The following MECOM variants were observed in gnomAD, a reference collection of about 807,000 sequenced individuals.
MECOM encodes the protein MDS1 and EVI1 complex locus, also known as histone-lysine N-methyltransferase MECOM.
In MECOM, 13 loss-of-function variants were observed where a neutral mutation model predicts 116.3. The observed-to-expected ratio is 0.11, with a 90% CI of 0.07 to 0.18. The LOEUF is 0.18. Ranked by LOEUF, MECOM falls within the 10% of genes least tolerant of loss-of-function variation. MECOM has a pLI of 1.00. For synonymous variants in MECOM, 528 were observed against 535.2 expected (o/e 0.99, Z 0.19); for missense variants, 1,299 against 1,509.0 (o/e 0.86, Z 2.31).
chr3:169,285,241 G>A (rs1024950779), intron 2 of MECOM, among the ~76,000 whole-genome samples: 3 of 152,162 alleles, frequency 2.0e-5, no homozygotes, highest in African/African-American at 7.2e-5. Context: ...GACACAGGCT[G>A]GACAATAACA....
intron 1 of MECOM, among the ~76,000 whole-genome samples, chr3:169,619,206 G>A (rs1241149858): frequency 2.6e-5 from 4 of 152,184 alleles, no homozygotes; most frequent in Middle Eastern, 3.2e-3. Flanking sequence ...CCCTCACTCC[G>A]GGTGCACCGG....
intron 2 of MECOM, among the ~76,000 whole-genome samples, chr3:169,226,207 A>G (rs1338772426): frequency 1.3e-5 from 2 of 152,162 alleles, no homozygotes; most frequent in Admixed American, 1.3e-4. Context: ...AATAAATATT[A>G]TGGGTAACCC....
chr3:169,480,015 T>C (rs570208641), intron 1 of MECOM, among the ~76,000 whole-genome samples: 1 of 152,356 alleles, frequency 6.6e-6, no homozygotes, highest in South Asian at 2.1e-4. Context: ...AGATTCGATG[T>C]ACTTTCCACA....
chr3:169,265,690 C>T (rs942847659), intron 2 of MECOM, among the ~76,000 whole-genome samples: 21 of 152,298 alleles, frequency 1.4e-4, no homozygotes, highest in Admixed American at 9.1e-4. Flanking sequence ...AAGTTAATAA[C>T]GCATACTAAG....
chr3:169,263,121 A>T (rs368419288), intron 2 of MECOM, among the ~76,000 whole-genome samples: 2 of 24,034 alleles, frequency 8.3e-5, no homozygotes, highest in African/African-American at 3.5e-4. Context: ...ATATATATAT[A>T]TATATATGTT....
chr3:169,119,176 C>G (rs1438505572), intron 7 of MECOM, among the ~76,000 whole-genome samples: 1 of 152,178 alleles, frequency 6.6e-6, no homozygotes, highest in Non-Finnish European at 1.5e-5. Context: ...TAATAAGAGA[C>G]AGTTGCCATA....
chr3:169,276,628 T>C (rs998795319), intron 2 of MECOM, among the ~76,000 whole-genome samples: 6 of 151,354 alleles, frequency 4.0e-5, no homozygotes, highest in African/African-American at 1.2e-4. Context: ...ACTCAATCTA[T>C]GTCTGCTCCC....
chr3:169,121,291 A>AT, intron 6 of MECOM, 82 bp from the exon 7 acceptor site: 2 of 1,373,174 alleles, frequency 1.5e-6, no homozygotes, highest in Non-Finnish European at 1.9e-6. Context: ...TCAAGAAGAA[A>AT]TTTTTCTTAT....
At chr3:169,230,534 A>G (rs1024831532) in intron 2 of MECOM, among the ~76,000 whole-genome samples, 5 of 152,170 alleles carry the variant, frequency 3.3e-5, no homozygotes, top group Non-Finnish European at 7.4e-5. Context: ...AAAGATGCAT[A>G]ACAAGTATCT....
chr3:169,254,416 C>T (rs1325086891), intron 2 of MECOM, among the ~76,000 whole-genome samples: 1 of 152,158 alleles, frequency 6.6e-6, no homozygotes, highest in East Asian at 1.9e-4. Flanking sequence ...AGCAGACACT[C>T]ATTCATTCAT....
intron 1 of MECOM, among the ~76,000 whole-genome samples, chr3:169,609,078 ATC>A (rs537701469): frequency 1.2e-3 from 188 of 152,312 alleles, no homozygotes; most frequent in Non-Finnish European, 2.1e-3. Context: ...CGACACAGGA[ATC>A]TCTGCAGACA....
chr3:169,101,022 C>A, intron 11 of MECOM, 60 bp from the exon 12 acceptor site: 2 of 1,203,124 alleles, frequency 1.7e-6, no homozygotes, highest in South Asian at 1.3e-5. Flanking sequence ...TTCACTCATG[C>A]CACACAGCAG....
At chr3:169,494,487 A>G (rs559833137) in intron 1 of MECOM, among the ~76,000 whole-genome samples, 17 of 152,320 alleles carry the variant, frequency 1.1e-4, no homozygotes, top group African/African-American at 3.8e-4. Context: ...AAGCAAGGAA[A>G]AGTTAAAAAG....
intron 1 of MECOM, among the ~76,000 whole-genome samples, chr3:169,485,944 T>TATATACTATATATATATATA (rs1491555135): frequency 2.0e-5 from 2 of 101,310 alleles, no homozygotes; most frequent in African/African-American, 8.4e-5. Context: ...TATATATGTA[T>TATATACTATATATATATATA]GTATATATGT....
chr3:169,174,605 T>C (rs995432523), intron 2 of MECOM, among the ~76,000 whole-genome samples: 4 of 152,186 alleles, frequency 2.6e-5, no homozygotes, highest in African/African-American at 7.2e-5. Context: ...ATTTTATCCA[T>C]ATCAGGTTAA....
At chr3:169,447,481 G>A (rs910157146) in intron 1 of MECOM, among the ~76,000 whole-genome samples, 1 of 152,100 alleles carries the variant, frequency 6.6e-6, no homozygotes, top group Non-Finnish European at 1.5e-5. Flanking sequence ...GATGTCCAAA[G>A]AAAGGCAGAA....
At chr3:169,276,096 C>T (rs1368587131) in intron 2 of MECOM, among the ~76,000 whole-genome samples, 1 of 152,180 alleles carries the variant, frequency 6.6e-6, no homozygotes, top group Non-Finnish European at 1.5e-5. Context: ...CTGCATTTGT[C>T]TGCCATAGCC....
chr3:169,413,296 G>A (rs781453071), intron 1 of MECOM, among the ~76,000 whole-genome samples: 3 of 152,140 alleles, frequency 2.0e-5, no homozygotes, highest in Admixed American at 6.5e-5. Flanking sequence ...ATGAGGGACC[G>A]TGCCATGAGG....
chr3:169,263,260 C>A (rs982389320), intron 2 of MECOM, among the ~76,000 whole-genome samples: 22 of 149,800 alleles, frequency 1.5e-4, no homozygotes, highest in Non-Finnish European at 1.9e-4. Context: ...TCCCGAGTAG[C>A]TGGGACTACA....
Sources: gnomAD v4.1 joint callset for allele counts (sites outside exome capture counted in the v4.1 genomes callset) on GRCh38, gnomAD v4.1.1 for gene constraint, MANE v1.5 for transcripts, NCBI Gene and HGNC (gene_info 2026-07-23, HGNC 2026-07-21) for gene names.